MAGI2: variants seen among roughly 807,000 people sequenced by gnomAD.
The protein encoded by MAGI2 is membrane associated guanylate kinase, WW and PDZ domain containing 2, also known as membrane-associated guanylate kinase, WW and PDZ domain-containing protein 2.
In MAGI2, 35 loss-of-function variants were observed where a neutral mutation model predicts 133.3. That is an observed-to-expected ratio of 0.26 (90% confidence interval 0.20 to 0.35). The LOEUF (loss-of-function observed/expected upper bound fraction) is 0.35, where lower values mean the gene tolerates loss of function less well. MAGI2 is among the 10% of genes least tolerant of loss of function. MAGI2 has a pLI of 1.00. For synonymous variants in MAGI2, 729 were observed against 710.6 expected (o/e 1.03, Z -0.41); for missense variants, 1,636 against 1,863.4 (o/e 0.88, Z 2.25).
intron 2 of MAGI2, among the ~76,000 whole-genome samples, chr7:78,672,983 T>C (rs1814572321): frequency 6.6e-6 from 1 of 152,204 alleles, no homozygotes; most frequent in South Asian, 2.1e-4. Flanking sequence ...AATAAATGTT[T>C]AGCCTTCTTC....
chr7:79,278,287 C>T (rs948215038), intron 1 of MAGI2, among the ~76,000 whole-genome samples: 7 of 152,178 alleles, frequency 4.6e-5, no homozygotes, highest in Non-Finnish European at 1.5e-5. Context: ...CCTGAGGCTT[C>T]CTCAGAAGCC....
chr7:78,528,995 TC>T (rs1797211838), intron 3 of MAGI2, among the ~76,000 whole-genome samples: 1 of 152,142 alleles, frequency 6.6e-6, no homozygotes, highest in Non-Finnish European at 1.5e-5. Flanking sequence ...GTTTTTTTTT[TC>T]ATACATGGAA....
Position 78,503,001 on chromosome 7 carries a change from A to G in MAGI2, c.755-1214T>C, listed in dbSNP as rs146741851. 5.8e-3 allele frequency among the ~76,000 whole-genome samples: 887 copies of G among 152,322 alleles called. 7 individuals are homozygous for G. Among genetic ancestry groups the G allele is most frequent in the African/African-American group, 0.02 (828 of 41,562 alleles). On this transcript the variant is annotated intron_variant, in intron 4 of 21. Transcript: ENST00000354212. ...TACATCTAGTTGAAATTTCCAAACT[A>G]CAATGTTAAAAGGCAACTTTAGCAG... is the stretch of plus-strand genomic sequence containing the variant.
intron 2 of MAGI2, among the ~76,000 whole-genome samples, chr7:78,668,033 C>A (rs1412751004): frequency 6.6e-6 from 1 of 151,952 alleles, no homozygotes; most frequent in Non-Finnish European, 1.5e-5. Flanking sequence ...CCTATTTCTC[C>A]CCACATCCTC....
intron 2 of MAGI2, among the ~76,000 whole-genome samples, chr7:78,687,743 T>C (rs1006554545): frequency 1.3e-5 from 2 of 150,204 alleles, no homozygotes; most frequent in East Asian, 3.9e-4. Context: ...CTGAGGCGGG[T>C]GGATCATTTG....
At chr7:78,584,575 C>T (rs1191966274) in intron 3 of MAGI2, among the ~76,000 whole-genome samples, 1 of 151,984 alleles carries the variant, frequency 6.6e-6, no homozygotes, top group African/African-American at 2.4e-5. Flanking sequence ...GTGCAGAGCA[C>T]ACGAAACATA....
chr7:78,429,932 T>C (rs1799635625), intron 6 of MAGI2, among the ~76,000 whole-genome samples: 2 of 152,124 alleles, frequency 1.3e-5, no homozygotes, highest in African/African-American at 4.8e-5. Context: ...ACATGTCTAG[T>C]ATAGTGATGG....
intron 1 of MAGI2, among the ~76,000 whole-genome samples, chr7:79,259,557 T>C (rs1194112690): frequency 6.6e-6 from 1 of 152,194 alleles, no homozygotes; most frequent in Non-Finnish European, 1.5e-5. Flanking sequence ...ACTTCATGTT[T>C]TATGTACACA....
chr7:78,604,411 C>T (rs1805574035), intron 3 of MAGI2, among the ~76,000 whole-genome samples: 1 of 152,128 alleles, frequency 6.6e-6, no homozygotes, highest in South Asian at 2.1e-4. Flanking sequence ...GTTTGCCCGT[C>T]CTTTGTTGAT....
chr7:78,998,084 C>T (rs1428799150), intron 2 of MAGI2, among the ~76,000 whole-genome samples: 1 of 152,084 alleles, frequency 6.6e-6, no homozygotes, highest in Non-Finnish European at 1.5e-5. Flanking sequence ...AGGCAGATTT[C>T]AAGGGACATC....
At chr7:78,445,535 C>G (rs1301667549) in intron 6 of MAGI2, among the ~76,000 whole-genome samples, 1 of 152,032 alleles carries the variant, frequency 6.6e-6, no homozygotes, top group Non-Finnish European at 1.5e-5. Flanking sequence ...ATACTTGGGT[C>G]AAATTTACTT....
chr7:79,272,221 GATT>G (rs1023183190), intron 1 of MAGI2, among the ~76,000 whole-genome samples: 3 of 151,896 alleles, frequency 2.0e-5, no homozygotes, highest in African/African-American at 7.3e-5. Flanking sequence ...TGAAATCTCT[GATT>G]ATTACTTTTA....
intron 2 of MAGI2, among the ~76,000 whole-genome samples, chr7:78,692,487 A>T (rs1194660857): frequency 1.3e-5 from 2 of 152,126 alleles, no homozygotes; most frequent in Non-Finnish European, 2.9e-5. Flanking sequence ...CATTCTGTTC[A>T]TTCAGTAAGT....
intron 6 of MAGI2, among the ~76,000 whole-genome samples, chr7:78,456,285 T>C (rs1789313532): frequency 6.6e-6 from 1 of 152,158 alleles, no homozygotes; most frequent in African/African-American, 2.4e-5. Context: ...TTTAAGGCTT[T>C]TTATAAGTTT....
At chr7:78,377,057 CATT>C (rs1241030970) in intron 6 of MAGI2, among the ~76,000 whole-genome samples, 1 of 152,104 alleles carries the variant, frequency 6.6e-6, no homozygotes, top group Non-Finnish European at 1.5e-5. Context: ...TTATCATCAT[CATT>C]ATCCATTTGA....
chr7:78,679,111 C>T (rs1815367506), intron 2 of MAGI2, among the ~76,000 whole-genome samples: 1 of 152,124 alleles, frequency 6.6e-6, no homozygotes, highest in Admixed American at 6.6e-5. Context: ...TGCCCTCACC[C>T]ATGAAATACT....
intron 4 of MAGI2, among the ~76,000 whole-genome samples, chr7:78,514,099 A>G (rs1186013879): frequency 6.7e-6 from 1 of 149,542 alleles, no homozygotes; most frequent in Non-Finnish European, 1.5e-5. Flanking sequence ...AAAAAAAAAA[A>G]AAAAAAAAAA....
intron 4 of MAGI2, among the ~76,000 whole-genome samples, chr7:78,510,559 C>CA: frequency 6.6e-6 from 1 of 152,078 alleles, no homozygotes; most frequent in East Asian, 1.9e-4. Flanking sequence ...TAGGGGTTTT[C>CA]AAAAAGTAAT....
chr7:78,685,639 C>G (rs1184270623), intron 2 of MAGI2, among the ~76,000 whole-genome samples: 1 of 119,972 alleles, frequency 8.3e-6, no homozygotes, highest in Admixed American at 8.7e-5. Flanking sequence ...ATATACGTAA[C>G]CTATATATAT....
Sources: gnomAD v4.1 joint callset for allele counts (sites outside exome capture counted in the v4.1 genomes callset) on GRCh38, gnomAD v4.1.1 for gene constraint, MANE v1.5 for transcripts, NCBI Gene and HGNC (gene_info 2026-07-23, HGNC 2026-07-21) for gene names.